GALNT16: variants seen among roughly 807,000 people sequenced by gnomAD.
GALNT16 encodes polypeptide N-acetylgalactosaminyltransferase 16.
Under a neutral mutation model 76.1 loss-of-function variants are expected in GALNT16, and 40 were observed. That is an observed-to-expected ratio of 0.53 (90% CI 0.41 to 0.68). GALNT16 has a LOEUF of 0.68. GALNT16 is among the 30% of genes least tolerant of loss of function. The probability of loss-of-function intolerance (pLI) is 0.00; values close to 1 mark genes in which losing one functional copy is unlikely to be tolerated. For missense variants in GALNT16, 621 were observed against 731.9 expected, an observed-to-expected ratio of 0.85 and a Z score of 1.75; for synonymous variants, 276 against 285.2, an observed-to-expected ratio of 0.97 and a Z score of 0.32.
downstream of GALNT16, among the ~76,000 whole-genome samples, chr14:69,359,603 G>A (rs763671554): frequency 2.0e-5 from 3 of 152,168 alleles, no homozygotes; most frequent in African/African-American, 7.2e-5. Flanking sequence ...TCACTTTATG[G>A]ATGAGGAGGG....
intron 1 of GALNT16, 21 bp from the exon 2 acceptor site, chr14:69,320,690 T>C (rs534637143): frequency 6.2e-7 from 1 of 1,610,644 alleles, no homozygotes; most frequent in African/African-American, 1.3e-5. Context: ...TGGTCCTCTC[T>C]GATGCTGACC....
At chr14:69,282,185 G>A (rs1054012703) in intron 1 of GALNT16, among the ~76,000 whole-genome samples, 2 of 152,194 alleles carry the variant, frequency 1.3e-5, no homozygotes, top group African/African-American at 2.4e-5. Context: ...CCCTGGAGGC[G>A]ATTCCTTGAG....
At chr14:69,263,548 G>A (rs1048669891) in intron 1 of GALNT16, among the ~76,000 whole-genome samples, 1 of 152,216 alleles carries the variant, frequency 6.6e-6, no homozygotes, top group African/African-American at 2.4e-5. Context: ...TGCTCCCTTG[G>A]GGAATCAGAG....
intron 3 of GALNT16, among the ~76,000 whole-genome samples, 181 bp downstream of exon 3, chr14:69,324,971 A>G (rs532822441): frequency 2.6e-5 from 4 of 152,320 alleles, no homozygotes; most frequent in South Asian, 2.1e-4. Context: ...TGTTAGAGGA[A>G]TGCGACAGTC....
chr14:69,345,621 C>T (rs573173362), intron 12 of GALNT16, among the ~76,000 whole-genome samples: 11 of 151,770 alleles, frequency 7.2e-5, no homozygotes, highest in South Asian at 2.1e-4. Flanking sequence ...AATCCAAGAA[C>T]GAACATAACC....
intron 1 of GALNT16, among the ~76,000 whole-genome samples, chr14:69,299,513 G>A (rs1566870608): frequency 1.3e-5 from 2 of 152,164 alleles, no homozygotes; most frequent in Admixed American, 1.3e-4. Context: ...CCAGAGCTGG[G>A]GCAGCCTCAT....
chr14:69,337,674 A>G (rs751985047), intron 9 of GALNT16, among the ~76,000 whole-genome samples: 16 of 152,198 alleles, frequency 1.1e-4, no homozygotes, highest in Admixed American at 3.9e-4. Flanking sequence ...CCATCCTTAC[A>G]TGTGGGTCCA....
intron 11 of GALNT16, among the ~76,000 whole-genome samples, chr14:69,340,486 A>ATT (rs71102646): frequency 6.8e-6 from 1 of 146,888 alleles, no homozygotes; most frequent in Non-Finnish European, 1.5e-5. Context: ...ACCTTGTGGA[A>ATT]TTTTTTTTTT....
At chr14:69,366,013 C>A in the GALNT16 span, among the ~76,000 whole-genome samples, 1 of 152,106 alleles carries the variant, frequency 6.6e-6, no homozygotes, top group Non-Finnish European at 1.5e-5. Flanking sequence ...TAAAACGGGA[C>A]AACGGAAAGT....
chr14:69,281,319 G>A (rs1293419336), intron 1 of GALNT16, among the ~76,000 whole-genome samples: 1 of 152,214 alleles, frequency 6.6e-6, no homozygotes. Context: ...CAGAGAGGGT[G>A]TGACAGCTAA....
intron 6 of GALNT16, 131 bp from the exon 7 acceptor site, chr14:69,331,333 G>A: frequency 2.9e-6 from 2 of 677,976 alleles, no homozygotes; most frequent in Non-Finnish European, 5.3e-6. Context: ...TTGAGGGGTG[G>A]CCCTGGGCAT....
chr14:69,297,301 AGAGT>A (rs1215643563), intron 1 of GALNT16, among the ~76,000 whole-genome samples: 4 of 152,250 alleles, frequency 2.6e-5, no homozygotes, highest in Non-Finnish European at 2.9e-5. Context: ...CCTCACCAAT[AGAGT>A]GAGTTATCAG....
intron 1 of GALNT16, among the ~76,000 whole-genome samples, chr14:69,307,624 C>T (rs1435646880): frequency 1.3e-5 from 2 of 152,158 alleles, no homozygotes; most frequent in African/African-American, 2.4e-5. Context: ...ACTTGACTGC[C>T]GCTATGGAGT....
At chr14:69,359,808 C>T (rs529885240), downstream of GALNT16, among the ~76,000 whole-genome samples, 6 of 151,584 alleles carry the variant, frequency 4.0e-5, no homozygotes, top group African/African-American at 1.5e-4. Context: ...TGGGCAATCA[C>T]AAGGTCAGGA....
In GALNT16 at chr14:69,305,132, C is replaced by CTTT. The variant is rs34469974; in HGVS notation, c.178-15567_178-15565dup. Among the ~76,000 whole-genome samples, 3 of 134,108 alleles carry CTTT rather than the reference C, an allele frequency of 2.2e-5. No homozygotes were observed. In the East Asian group the frequency reaches 6.2e-4, roughly 28 times the overall value. 88.0% of individuals were successfully genotyped at this position (134,108 alleles called of 152,430 possible). On this transcript the variant is annotated intron_variant, in intron 1 of 14. Transcript: ENST00000448469. ...TCTCCACATCCTCACCAACACTTGT[C>CTTT]TTTTTTTTTTTTTTATAATAACCAT...
chr14:69,325,941 C>A, intron 4 of GALNT16, 21 bp from the exon 5 acceptor site: 1 of 1,606,600 alleles, frequency 6.2e-7, no homozygotes, highest in Non-Finnish European at 8.5e-7. Context: ...AATGAGCTTG[C>A]CTTCCTCTTT....
At chr14:69,340,602 G>A (rs1275684) in intron 11 of GALNT16, among the ~76,000 whole-genome samples, 58,379 of 151,434 alleles carry the variant, frequency 0.39, 11,763 homozygotes, top group Non-Finnish European at 0.44. Flanking sequence ...CTCCTGCCTC[G>A]TCCTCTAGAG....
At chr14:69,288,089 G>A (rs1020830427) in intron 1 of GALNT16, among the ~76,000 whole-genome samples, 24 of 152,336 alleles carry the variant, frequency 1.6e-4, no homozygotes, top group African/African-American at 5.0e-4. Flanking sequence ...TCAATTCTTT[G>A]TGTACTGCTT....
intron 1 of GALNT16, among the ~76,000 whole-genome samples, chr14:69,279,924 C>G (rs2044518312): frequency 6.6e-6 from 1 of 152,226 alleles, no homozygotes; most frequent in South Asian, 2.1e-4. Flanking sequence ...GCCACACAGA[C>G]TACAGGAGAG....
Sources: gnomAD v4.1 joint callset for allele counts (sites outside exome capture counted in the v4.1 genomes callset) on GRCh38, gnomAD v4.1.1 for gene constraint, MANE v1.5 for transcripts, NCBI Gene and HGNC (gene_info 2026-07-23, HGNC 2026-07-21) for gene names.